THSD4: variants seen among roughly 807,000 people sequenced by gnomAD.
THSD4 encodes thrombospondin type-1 domain-containing protein 4.
In THSD4, 69 loss-of-function variants were observed where a neutral mutation model predicts 119.0. The ratio of observed to expected loss-of-function variants is 0.58; its 90% CI spans 0.48 to 0.71. The LOEUF is 0.71. THSD4 is among the 30% of genes least tolerant of loss of function. THSD4 has a pLI of 0.00. For synonymous variants in THSD4, 524 were observed against 540.4 expected (o/e 0.97, Z 0.42); for missense variants, 1,393 against 1,391.1 (o/e 1.00, Z -0.02).
At chr15:71,685,342 C>G (rs2051885758) in intron 8 of THSD4, among the ~76,000 whole-genome samples, 1 of 151,970 alleles carries the variant, frequency 6.6e-6, no homozygotes, top group African/African-American at 2.4e-5. Context: ...CCCCAGAGAG[C>G]TTTTGTTCAT....
At position 71,157,950 on chromosome 15, in the gene THSD4, G is replaced by A. The variant is rs561346499; in HGVS notation, c.99+3018G>A. On this transcript the variant is annotated intron_variant, in intron 3 of 17. Coordinates refer to ENST00000261862, the MANE Select transcript of THSD4 (RefSeq NM_024817.3). ...GAATAGTGCTGCAGTAAACATAGGG[G>A]CACAGATGTTTCTTGAACATTCTGA... Among the ~76,000 whole-genome samples, 3 of 151,880 alleles carry A rather than the reference G, an allele frequency of 2.0e-5. No individual in the cohort carries two copies. The East Asian group carries it at 5.8e-4, about 29-fold the overall frequency.
At position 71,509,899 on chromosome 15, in the gene THSD4, T is replaced by G. The variant is rs182991145; in HGVS notation, c.1152+98076T>G. Among the ~76,000 whole-genome samples, 247 of 152,324 alleles carry G rather than the reference T, an allele frequency of 1.6e-3. 2 individuals carry two copies. Among genetic ancestry groups the G allele is most frequent in the African/African-American group, 5.5e-3 (230 of 41,570 alleles). ...ACATTTAAATCTGGTTGTTGTAGTG[T>G]TTCATTGGCTTTAAAAAGAATTTTT... On this transcript the variant is annotated intron_variant, in intron 7 of 17. Coordinates refer to ENST00000261862, the MANE Select transcript of THSD4 (RefSeq NM_024817.3).
At chr15:71,199,601 ATGGTGTGTGTGGTGTGTGGGTGTG>A (rs2043758296) in intron 3 of THSD4, among the ~76,000 whole-genome samples, 1 of 40,596 alleles carries the variant, frequency 2.5e-5, no homozygotes, top group Non-Finnish European at 4.6e-5. Flanking sequence ...TGTGTGATGT[ATGGTGTGTGTGGTGTGTGGGTGTG>A]TGGTGTGTGT....
intron 6 of THSD4, among the ~76,000 whole-genome samples, chr15:71,326,207 C>T (rs571755315): frequency 2.1e-4 from 32 of 152,196 alleles, no homozygotes; most frequent in African/African-American, 7.5e-4. Context: ...TTGGTTTCCT[C>T]GTTCACAATG....
upstream of THSD4, among the ~76,000 whole-genome samples, chr15:71,114,045 A>G (rs1223300373): frequency 6.6e-6 from 1 of 152,052 alleles, no homozygotes; most frequent in Non-Finnish European, 1.5e-5. Flanking sequence ...TCCCATTTAC[A>G]CCAGGTGCCT....
At chr15:71,518,628 A>G (rs80225601) in intron 7 of THSD4, among the ~76,000 whole-genome samples, 2,738 of 152,288 alleles carry the variant, frequency 0.018, 79 homozygotes, top group African/African-American at 0.056. Context: ...TGTAAACACA[A>G]TCTCATTAAT....
chr15:71,634,275 G>A (rs1443068116), intron 7 of THSD4, among the ~76,000 whole-genome samples: 1 of 152,152 alleles, frequency 6.6e-6, no homozygotes, highest in Non-Finnish European at 1.5e-5. Flanking sequence ...GATTGCATAA[G>A]TAAAGCAGTT....
intron 7 of THSD4, among the ~76,000 whole-genome samples, chr15:71,413,379 A>G (rs898915857): frequency 6.6e-6 from 1 of 152,322 alleles, no homozygotes; most frequent in Non-Finnish European, 1.5e-5. Context: ...CTATTGTGCT[A>G]CCAAACACTT....
intron 7 of THSD4, among the ~76,000 whole-genome samples, chr15:71,499,836 CT>C (rs960173870): frequency 4.6e-5 from 7 of 152,082 alleles, no homozygotes; most frequent in Non-Finnish European, 1.0e-4. Flanking sequence ...GGATTTCGTC[CT>C]TTTTTTAAGG....
At chr15:71,367,906 T>C (rs1370321725) in intron 6 of THSD4, among the ~76,000 whole-genome samples, 1 of 152,250 alleles carries the variant, frequency 6.6e-6, no homozygotes, top group African/African-American at 2.4e-5. Context: ...ACCAACAGTG[T>C]AAAAGTGTTT....
At chr15:71,627,206 A>G (rs2050526370) in intron 7 of THSD4, among the ~76,000 whole-genome samples, 1 of 152,218 alleles carries the variant, frequency 6.6e-6, no homozygotes, top group African/African-American at 2.4e-5. Context: ...GGGGAGTTAA[A>G]TGTTCCTTCT....
chr15:71,364,672 T>C (rs371467217), intron 6 of THSD4, among the ~76,000 whole-genome samples: 2 of 152,242 alleles, frequency 1.3e-5, no homozygotes, highest in Non-Finnish European at 2.9e-5. Flanking sequence ...CCAGATCTCA[T>C]ATTTCGAATC....
chr15:71,443,446 A>C (rs78482242), intron 7 of THSD4, among the ~76,000 whole-genome samples: 1 of 133,992 alleles, frequency 7.5e-6, no homozygotes, highest in Non-Finnish European at 1.6e-5. Flanking sequence ...CTCTCTCTCT[A>C]TGTATATATG....
At chr15:71,191,790 G>C (rs1027973038) in intron 3 of THSD4, among the ~76,000 whole-genome samples, 1 of 152,018 alleles carries the variant, frequency 6.6e-6, no homozygotes, top group Non-Finnish European at 1.5e-5. Flanking sequence ...TTTACTCCCA[G>C]GTCTCCGGGT....
intron 15 of THSD4, among the ~76,000 whole-genome samples, chr15:71,763,417 A>G (rs2053658446): frequency 6.6e-6 from 1 of 151,930 alleles, no homozygotes; most frequent in African/African-American, 2.4e-5. Flanking sequence ...TTTAAATCAA[A>G]AAGTATTAAG....
chr15:71,720,251 A>G (rs911402970), intron 8 of THSD4, among the ~76,000 whole-genome samples: 3 of 151,482 alleles, frequency 2.0e-5, no homozygotes, highest in African/African-American at 4.9e-5. Flanking sequence ...AGGTCTCCCT[A>G]TGTTGCCCAG....
chr15:71,647,645 A>G (rs1176044728), intron 7 of THSD4, among the ~76,000 whole-genome samples: 2 of 152,194 alleles, frequency 1.3e-5, no homozygotes, highest in Non-Finnish European at 2.9e-5. Flanking sequence ...TTGAGTTATA[A>G]ATATCTCTCA....
intron 8 of THSD4, among the ~76,000 whole-genome samples, chr15:71,683,457 G>T (rs889385649): frequency 6.6e-6 from 1 of 152,088 alleles, no homozygotes; most frequent in Admixed American, 6.6e-5. Flanking sequence ...AAATTCTACC[G>T]GGGAAACTGG....
At chr15:71,167,636 G>A (rs1400207464) in intron 3 of THSD4, among the ~76,000 whole-genome samples, 1 of 152,062 alleles carries the variant, frequency 6.6e-6, no homozygotes, top group Non-Finnish European at 1.5e-5. Context: ...TTCAATTTTT[G>A]CTGACCCACT....
Sources: gnomAD v4.1 joint callset for allele counts (sites outside exome capture counted in the v4.1 genomes callset) on GRCh38, gnomAD v4.1.1 for gene constraint, MANE v1.5 for transcripts, NCBI Gene and HGNC (gene_info 2026-07-23, HGNC 2026-07-21) for gene names.